Variants in ESRRG observed in about 807,000 individuals in gnomAD.
The protein encoded by ESRRG is estrogen related receptor gamma.
In ESRRG, 13 loss-of-function variants were observed where a neutral mutation model predicts 44.0. That is an observed-to-expected ratio of 0.30 (90% confidence interval 0.19 to 0.47). The LOEUF is 0.47. Among genes scored for constraint, ESRRG ranks in the 20% least tolerant of loss-of-function variants. The pLI is 1.00. For synonymous variants in ESRRG, 215 were observed against 214.6 expected, an observed-to-expected ratio of 1.00 and a Z score of -0.02; for missense variants, 395 against 580.6, an observed-to-expected ratio of 0.68 and a Z score of 3.29.
At chr1:216,659,099 T>A (rs1248170674) in intron 2 of ESRRG, among the ~76,000 whole-genome samples, 2 of 152,150 alleles carry the variant, frequency 1.3e-5, no homozygotes, top group Non-Finnish European at 2.9e-5. Context: ...AATGAAGATA[T>A]TAAGATCATA....
upstream of ESRRG, among the ~76,000 whole-genome samples, chr1:216,727,899 G>C (rs898517219): frequency 1.3e-5 from 2 of 150,302 alleles, no homozygotes; most frequent in Non-Finnish European, 3.0e-5. Flanking sequence ...AAGTTGGAGG[G>C]GGAAAAAAAA....
chr1:216,644,668 C>T (rs1042778619), intron 3 of ESRRG, among the ~76,000 whole-genome samples: 2 of 152,014 alleles, frequency 1.3e-5, no homozygotes, highest in Non-Finnish European at 2.9e-5. Context: ...AACTCCTGTA[C>T]TCAAGCAACC....
intron 4 of ESRRG, among the ~76,000 whole-genome samples, chr1:216,567,195 C>T (rs1231170102): frequency 1.3e-5 from 2 of 152,190 alleles, no homozygotes; most frequent in Admixed American, 1.3e-4. Context: ...AGTAGGATCC[C>T]TATTCATAAA....
At chr1:217,001,875 T>C (rs1310061063) in intron 1 of ESRRG, among the ~76,000 whole-genome samples, 1 of 152,188 alleles carries the variant, frequency 6.6e-6, no homozygotes, top group Non-Finnish European at 1.5e-5. Flanking sequence ...ACCTTAAAAG[T>C]CATTTGTACA....
At chr1:216,950,830 A>G (rs1246210306) in intron 1 of ESRRG, among the ~76,000 whole-genome samples, 2 of 152,218 alleles carry the variant, frequency 1.3e-5, no homozygotes, top group Admixed American at 1.3e-4. Flanking sequence ...TATTTTTAAA[A>G]AAATATATGG....
rs192459755 is a variant in ESRRG, at chr1:216,963,681, G to T, written c.-105-24008C>A. ...TTAAGCCACGCAGTGGTGTCCTTAGGGAAACCCGAGAAGAGGAAAATCACG... is the reference window on the plus strand; with the variant it reads ...TTAAGCCACGCAGTGGTGTCCTTAGTGAAACCCGAGAAGAGGAAAATCACG... On this transcript the variant is annotated intron_variant, in intron 1 of 7. Coordinates refer to the ESRRG transcript ENST00000359162. Among the ~76,000 whole-genome samples the T allele has an allele frequency of 5.8e-4, 88 of 152,278 alleles. 1 individual carries two copies. The highest frequency in any genetic ancestry group is 5.2e-3 in the Admixed American group (79 of 15,292).
At chr1:216,806,673 G>C (rs1167537733) in intron 2 of ESRRG, among the ~76,000 whole-genome samples, 1 of 152,078 alleles carries the variant, frequency 6.6e-6, no homozygotes, top group Non-Finnish European at 1.5e-5. Flanking sequence ...ATTACTTGTG[G>C]AGTTAAATTA....
intron 2 of ESRRG, among the ~76,000 whole-genome samples, chr1:216,866,715 T>C (rs1043040711): frequency 6.6e-6 from 1 of 152,004 alleles, no homozygotes; most frequent in Non-Finnish European, 1.5e-5. Flanking sequence ...GGACTGCAGG[T>C]GCTCACCACC....
At chr1:216,885,151 A>C (rs928011545) in intron 2 of ESRRG, among the ~76,000 whole-genome samples, 1 of 150,030 alleles carries the variant, frequency 6.7e-6, no homozygotes, top group Non-Finnish European at 1.5e-5. Context: ...AAGATACATG[A>C]CAGAAAGAGA....
Position 216,821,213 on chromosome 1 carries a change from C to T in ESRRG, c.-14+118369G>A, listed in dbSNP as rs547526344. 2.0e-5 allele frequency among the ~76,000 whole-genome samples: 3 copies of T among 152,256 alleles called. No individual in the cohort carries two copies. The East Asian group carries it at 5.8e-4, about 29-fold the overall frequency. On this transcript the variant is annotated intron_variant, in intron 2 of 7. Transcript: ENST00000359162. ...CTCCCTCCTTCCAGGACAAATGTGT[C>T]CATTTACCCTCACTAGGACGTGCAG...
Position 216,782,410 on chromosome 1 carries a change from G to C in ESRRG, c.-13-104919C>G, listed in dbSNP as rs114245177. Among the ~76,000 whole-genome samples, 1,182 of 151,884 alleles carry C rather than the reference G, an allele frequency of 7.8e-3. 6 individuals are homozygous for C. Among genetic ancestry groups the C allele is most frequent in the Non-Finnish European group, 0.013 (856 of 67,926 alleles). ...ATATTAATATCTAATTTCCATATTG[G>C]TTATCAAAATGCAGGCAAACATTTT... On this transcript the variant is annotated intron_variant, in intron 2 of 7. Transcript: ENST00000359162.
At chr1:216,650,201 C>T (rs2068608005) in intron 3 of ESRRG, among the ~76,000 whole-genome samples, 1 of 152,148 alleles carries the variant, frequency 6.6e-6, no homozygotes, top group Non-Finnish European at 1.5e-5. Context: ...TACAAACACA[C>T]ACACAAGTAT....
intron 2 of ESRRG, among the ~76,000 whole-genome samples, chr1:216,822,115 A>C (rs955223692): frequency 2.0e-5 from 3 of 152,108 alleles, no homozygotes; most frequent in Non-Finnish European, 1.5e-5. Flanking sequence ...AAAGATGGAG[A>C]TGTATTTTTC....
chr1:216,800,459 A>G (rs548919089), intron 2 of ESRRG, among the ~76,000 whole-genome samples: 1 of 152,314 alleles, frequency 6.6e-6, no homozygotes, highest in African/African-American at 2.4e-5. Context: ...CGCTTAAGAA[A>G]CATCTATCCA....
chr1:217,114,240 C>T (rs1019230586), intron 1 of ESRRG, among the ~76,000 whole-genome samples: 2 of 151,548 alleles, frequency 1.3e-5, no homozygotes, highest in Admixed American at 6.6e-5. Flanking sequence ...TTGTTGTGGG[C>T]CTTAGAGGTT....
intron 1 of ESRRG, among the ~76,000 whole-genome samples, chr1:216,947,838 A>C (rs1167916912): frequency 2.0e-5 from 3 of 152,164 alleles, no homozygotes; most frequent in Admixed American, 2.0e-4. Context: ...AGCTTATATA[A>C]GGTCATGAGA....
chr1:217,092,872 C>A (rs1180009459), upstream of ESRRG, among the ~76,000 whole-genome samples: 3 of 152,114 alleles, frequency 2.0e-5, no homozygotes, highest in Non-Finnish European at 4.4e-5. Context: ...TTTTATGTAG[C>A]AAAAGTGTTA....
chr1:216,651,088 G>A lies in ESRRG; in HGVS notation c.474C>T (p.Gly158=), dbSNP rs150404187. ...TGGCAGGGCAGCTGTATTCTATATT[G>A]CCTAAAACACAAGTTTGAAGAAAAG... The part of the protein sequence containing the change: ...CKAFFKRTIQ[G]NIEYSCPATN... Residue 158 remains glycine (G), a splice_region_variant and synonymous_variant, in exon 3 of 7, where the codon GGC becomes GGT. Transcript: ENST00000408911. 356 of 1,581,530 alleles carry A rather than the reference G, an allele frequency of 2.3e-4. No individual in the cohort carries two copies. Among genetic ancestry groups the A allele is most frequent in the Middle Eastern group, 1.3e-3 (8 of 5,978 alleles).
intron 1 of ESRRG, among the ~76,000 whole-genome samples, chr1:217,125,797 C>T (rs1009667352): frequency 2.6e-5 from 4 of 152,146 alleles, no homozygotes; most frequent in Admixed American, 2.6e-4. Flanking sequence ...GGTCAGACAA[C>T]TTCTTCTTTC....
Sources: gnomAD v4.1 joint callset for allele counts (sites outside exome capture counted in the v4.1 genomes callset) on GRCh38, gnomAD v4.1.1 for gene constraint, MANE v1.5 for transcripts, NCBI Gene and HGNC (gene_info 2026-07-23, HGNC 2026-07-21) for gene names.